Variants in ZNF43 observed in about 807,000 individuals in gnomAD.
The protein encoded by ZNF43 is zinc finger protein 39-like 1 (KOX 27).
A neutral mutation model predicts 68.4 loss-of-function variants in ZNF43; 44 were observed. The observed-to-expected ratio is 0.64, with a 90% CI of 0.51 to 0.83. ZNF43 has a LOEUF of 0.83. Ranked by LOEUF, ZNF43 falls within the 40% of genes least tolerant of loss-of-function variation. The pLI, the probability that ZNF43 is intolerant of heterozygous loss-of-function variation, is 0.00. For missense variants in ZNF43, 896 were observed against 933.2 expected (o/e 0.96, Z 0.52); for synonymous variants, 308 against 307.8 (o/e 1.00, Z -0.01).
Position 21,809,718 on chromosome 19 carries a change from A to G in ZNF43, c.319T>C (p.Cys107Arg), listed in dbSNP as rs2037186049. Residue 107 changes from cysteine (C) to arginine (R), a missense_variant, in exon 4 of 4, where the codon TGT becomes CGT. Transcript: ENST00000354959. ...TTTAAATGTACATTTTTATGTTCAC[A>G]GTTTTTATATCTTCTCAGTGTCGCT... ...QKATLRRYKN[C>R]EHKNVHLKKD... The G allele has an allele frequency of 6.2e-7, 1 of 1,612,708 alleles. No individual in the cohort carries two copies. Among genetic ancestry groups the G allele is most frequent in the African/African-American group, 1.3e-5 (1 of 74,726 alleles).
rs188253625 is a variant in ZNF43, at chr19:21,835,173, C to T, written c.3+863G>A. Among the ~76,000 whole-genome samples, 493 of 139,870 alleles carry T rather than the reference C, an allele frequency of 3.5e-3. 3 individuals are homozygous for T. Among genetic ancestry groups the T allele is most frequent in the African/African-American group, 0.012 (473 of 38,166 alleles). The allele number at this position is 139,870 out of a possible 152,430, so 91.8% of individuals were successfully genotyped here. ...CTGAGGCAAGAAAATCGCTTGAATC[C>T]GGGAGACGGAGGTTGCAGGGAGCCG... On this transcript the variant is annotated intron_variant, in intron 1 of 3. Coordinates refer to ENST00000354959, the MANE Select transcript of ZNF43 (RefSeq NM_003423.4).
rs1380574040 is a variant in ZNF43 at position 21,807,692 on chromosome 19, T to C, written c.2345A>G (p.Lys782Arg). The C allele has an allele frequency of 3.7e-6, 6 of 1,610,188 alleles. No individual in the cohort carries two copies. Among genetic ancestry groups the C allele is most frequent in the African/African-American group, 2.7e-5 (2 of 74,746 alleles). Residue 782 changes from lysine to arginine, a missense_variant, in exon 4 of 4, where the codon AAA becomes AGA. Lys to Arg is a conservative substitution (Grantham distance 26). Transcript: ENST00000354959. ...NQYSNLTTHN[K>R]IHTGEKLYKP... ...GTAGAGTTTCTCTCCAGTATGAATT[T>C]TGTTATGTGTAGTAAGGTTTGAATA...
In ZNF43 at chr19:21,805,618, A is replaced by T. The variant is rs1168666816; in HGVS notation, c.*1989T>A. 1.3e-5 allele frequency: 2 copies of T among 150,754 alleles called. No individual in the cohort carries two copies. The highest frequency in any genetic ancestry group is 1.9e-4 in the East Asian group (1 of 5,176). 9.3% of individuals were successfully genotyped at this position (150,754 alleles called of 1,614,324 possible). A position where few individuals can be genotyped will look rare whatever the true frequency, so the allele number is the denominator to read the frequency against. ...TGGGCGAGAGCAAGACTCTGTCTCAAAAAAAAAAACCAAACAAACAAAAAA... is the reference window on the plus strand; with the variant it reads ...TGGGCGAGAGCAAGACTCTGTCTCATAAAAAAAAACCAAACAAACAAAAAA... On this transcript the variant is annotated 3_prime_UTR_variant, in exon 4 of 4. Transcript: ENST00000354959.
At chr19:21,834,047 A>G (rs941747389) in intron 1 of ZNF43, among the ~76,000 whole-genome samples, 2 of 152,028 alleles carry the variant, frequency 1.3e-5, no homozygotes, top group Non-Finnish European at 2.9e-5. Context: ...CGGGGGAAAA[A>G]AAAGAGTCCT....
At chr19:21,818,195 G>A (rs139923873) in intron 2 of ZNF43, among the ~76,000 whole-genome samples, 2,267 of 151,320 alleles carry the variant, frequency 0.015, 53 homozygotes, top group African/African-American at 0.052. Flanking sequence ...CTCCACCTCC[G>A]GGATTCAAGC....
chr19:21,846,898 G>A (rs11879721), intron 1 of ZNF43, among the ~76,000 whole-genome samples: 5,223 of 152,262 alleles, frequency 0.034, 321 homozygotes, highest in African/African-American at 0.12. Context: ...TGGCCAAATC[G>A]TAGGCAGAAG....
chr19:21,834,941 TAAA>T (rs35243760), intron 1 of ZNF43, among the ~76,000 whole-genome samples: 1 of 132,092 alleles, frequency 7.6e-6, no homozygotes, highest in Non-Finnish European at 1.6e-5. Context: ...AAATGTACAC[TAAA>T]AAAAAAAAAA....
intron 1 of ZNF43, among the ~76,000 whole-genome samples, chr19:21,845,841 C>T (rs1568393845): frequency 6.7e-6 from 1 of 149,704 alleles, no homozygotes; most frequent in Non-Finnish European, 1.5e-5. Context: ...TGTCATGAGC[C>T]GAGATTATGC....
At chr19:21,835,981 C>A in intron 1 of ZNF43, 55 bp downstream of exon 1, 1 of 1,612,574 alleles carries the variant, frequency 6.2e-7, no homozygotes, top group South Asian at 1.1e-5. Context: ...GCGGGAAGGC[C>A]TGAGTCACGC....
At chr19:21,851,577 C>T (rs1394911161) in intron 1 of ZNF43, among the ~76,000 whole-genome samples, 1 of 149,362 alleles carries the variant, frequency 6.7e-6, no homozygotes, top group Non-Finnish European at 1.5e-5. Context: ...ACAACAGAAA[C>T]TGAAGACCCC....
At chr19:21,833,442 G>T (rs1438695919) in intron 1 of ZNF43, among the ~76,000 whole-genome samples, 1 of 151,590 alleles carries the variant, frequency 6.6e-6, no homozygotes, top group Non-Finnish European at 1.5e-5. Flanking sequence ...TAATTTTTTT[G>T]TATTTTTAGT....
intron 1 of ZNF43, among the ~76,000 whole-genome samples, chr19:21,842,962 G>A (rs1408081784): frequency 2.0e-5 from 3 of 150,246 alleles, no homozygotes; most frequent in African/African-American, 7.4e-5. Flanking sequence ...ATGTTACAAC[G>A]TCTCCTAGGG....
intron 1 of ZNF43, among the ~76,000 whole-genome samples, chr19:21,821,905 G>A (rs759013257): frequency 6.6e-6 from 1 of 151,970 alleles, no homozygotes; most frequent in Non-Finnish European, 1.5e-5. Flanking sequence ...TCTGAGACAT[G>A]TTTAGCTGAA....
chr19:21,839,739 T>C (rs1967384444), upstream of ZNF43: 1 of 152,206 alleles, frequency 6.6e-6, no homozygotes, highest in Non-Finnish European at 1.5e-5. Flanking sequence ...TCACATTATA[T>C]GGATGATGGG....
chr19:21,810,309 A>G (rs2037215127), intron 3 of ZNF43, among the ~76,000 whole-genome samples: 1 of 152,234 alleles, frequency 6.6e-6, no homozygotes, highest in Non-Finnish European at 1.5e-5. Context: ...TGGAAATGTC[A>G]CATGGTAATA....
In ZNF43 at chr19:21,805,030, ATT is replaced by A. The variant is rs2036873648; in HGVS notation, c.*2575_*2576del. On this transcript the variant is annotated 3_prime_UTR_variant, in exon 4 of 4. Coordinates refer to ENST00000354959, the MANE Select transcript of ZNF43 (RefSeq NM_003423.4). ...TAAAATGACCCTGTAGTCAATAACA[ATT>A]TAATTGTACATTAAAATAATGAAGT... 1 of 152,204 alleles carries A rather than the reference ATT, an allele frequency of 6.6e-6. No individual in the cohort carries two copies. The highest frequency in any genetic ancestry group is 1.5e-5 in the Non-Finnish European group (1 of 68,030). The allele number at this position is 152,204 out of a possible 1,614,324, so 9.4% of individuals were successfully genotyped here. A position where few individuals can be genotyped will look rare whatever the true frequency, so the allele number is the denominator to read the frequency against.
chr19:21,809,184 A>C lies in ZNF43; in HGVS notation c.853T>G (p.Phe285Val). 6.2e-7 allele frequency: 1 copy of C among 1,612,662 alleles called. No individual in the cohort carries two copies. Among genetic ancestry groups the C allele is most frequent in the Non-Finnish European group, 8.5e-7 (1 of 1,179,582 alleles). Residue 285 changes from phenylalanine to valine, a missense_variant, in exon 4 of 4, where the codon TTC becomes GTC. Phe to Val is a conservative substitution (Grantham distance 50). Coordinates refer to ENST00000354959, the MANE Select transcript of ZNF43 (RefSeq NM_003423.4). ...TTGGCACATTCTTTACATTTGTAGA[A>C]TTTCTCTCCAGTGCGAATTATCTTA... ...THKIIRTGEK[F>V]YKCKECAKAF...
At chr19:21,839,116 A>T (rs1367430904), upstream of ZNF43, among the ~76,000 whole-genome samples, 1 of 152,104 alleles carries the variant, frequency 6.6e-6, no homozygotes, top group Non-Finnish European at 1.5e-5. Context: ...CAAAAAGGAG[A>T]GTCACATCAC....
At chr19:21,835,275 AG>A (rs1345251890) in intron 1 of ZNF43, among the ~76,000 whole-genome samples, 6 of 150,936 alleles carry the variant, frequency 4.0e-5, no homozygotes, top group Admixed American at 3.3e-4. Context: ...AAGAAAAAAA[AG>A]AAAAAATAGT....
Sources: allele counts gnomAD v4.1 joint callset (sites outside exome capture counted in the v4.1 genomes callset), GRCh38; gene constraint gnomAD v4.1.1; transcripts MANE v1.5; gene names NCBI Gene and HGNC (gene_info 2026-07-23, HGNC 2026-07-21).